Variants in PLPPR5 observed in about 807,000 individuals in gnomAD.
PLPPR5 encodes phospholipid phosphatase related 5.
In PLPPR5, 16 loss-of-function variants were observed where a neutral mutation model predicts 33.9. That is an observed-to-expected ratio of 0.47 (90% CI 0.32 to 0.72). PLPPR5 has a LOEUF of 0.72. Ranked by LOEUF, PLPPR5 falls within the 30% of genes least tolerant of loss-of-function variation. The pLI is 0.03. For synonymous variants in PLPPR5, 163 were observed against 150.3 expected, an observed-to-expected ratio of 1.08 and a Z score of -0.62; for missense variants, 301 against 406.7, an observed-to-expected ratio of 0.74 and a Z score of 2.23.
chr1:98,899,655 C>CTTTTTTTTTTTTTTTTTTTT lies in PLPPR5; in HGVS notation c.934-6552_934-6551insAAAAAAAAAAAAAAAAAAAA, dbSNP rs1214385487. Among the ~76,000 whole-genome samples, 5 of 138,568 alleles carry CTTTTTTTTTTTTTTTTTTTT rather than the reference C, an allele frequency of 3.6e-5. 1 individual carries two copies. The highest frequency in any genetic ancestry group is 6.2e-5 in the Non-Finnish European group (4 of 64,334). The allele number at this position is 138,568 out of a possible 152,430, so 90.9% of individuals were successfully genotyped here. ...CTTCAGAAAATACCTGTTTATTTCA[C>CTTTTTTTTTTTTTTTTTTTT]TTGTTTTTTTTTTTTTTTTTTGAGA... On this transcript the variant is annotated intron_variant, in intron 5 of 5. Transcript: ENST00000263177.
intron 1 of PLPPR5, among the ~76,000 whole-genome samples, chr1:98,994,483 TAA>T (rs1244999754): frequency 6.6e-6 from 1 of 152,156 alleles, no homozygotes. Context: ...CCACAATTAT[TAA>T]GTTACCCATT....
intron 1 of PLPPR5, among the ~76,000 whole-genome samples, chr1:98,980,934 A>G (rs1258847949): frequency 6.6e-6 from 1 of 152,066 alleles, no homozygotes; most frequent in Admixed American, 6.6e-5. Flanking sequence ...ATCAGGTAGC[A>G]TGTTTGTGAC....
rs529342810 is a variant in PLPPR5, at chr1:98,891,728, C to T, written c.*1344G>A. ...GTTTTATATTTGAAAAGTGTTCATT[C>T]TTAAAACATAAACATTTAAAATACA... On this transcript the variant is annotated 3_prime_UTR_variant, in exon 6 of 6. Transcript: ENST00000263177. 5.3e-5 allele frequency: 8 copies of T among 152,172 alleles called. No homozygotes were observed. The South Asian group carries it at 1.7e-3, about 32-fold the overall frequency. The allele number at this position is 152,172 out of a possible 1,614,324, so 9.4% of individuals were successfully genotyped here.
rs549419088 is a variant in PLPPR5, at chr1:98,941,461, T to C, written c.621+11609A>G. Reference sequence around the variant, plus strand: ...GGGCAAACCCCATGTAACCGGTTTATAAGGTGAGAAAGTGTAAAATAGTCT... The same window carrying C: ...GGGCAAACCCCATGTAACCGGTTTACAAGGTGAGAAAGTGTAAAATAGTCT... On this transcript the variant is annotated intron_variant, in intron 3 of 5. Coordinates refer to ENST00000263177, the MANE Select transcript of PLPPR5 (RefSeq NM_001037317.2). Among the ~76,000 whole-genome samples, 3 of 151,706 alleles carry C rather than the reference T, an allele frequency of 2.0e-5. No homozygotes were observed. The East Asian group carries it at 5.8e-4, about 29-fold the overall frequency.
chr1:99,001,705 T>TATATATATATA (rs1553173330), intron 1 of PLPPR5, among the ~76,000 whole-genome samples: 6 of 129,150 alleles, frequency 4.6e-5, no homozygotes, highest in Non-Finnish European at 8.4e-5. Context: ...TATATATATA[T>TATATATATATA]GAAGCTTTAT....
chr1:98,989,318 C>G (rs1206353479), intron 1 of PLPPR5, among the ~76,000 whole-genome samples: 1 of 152,024 alleles, frequency 6.6e-6, no homozygotes, highest in Non-Finnish European at 1.5e-5. Flanking sequence ...TAGTACTCTC[C>G]TTGGTATACT....
intron 5 of PLPPR5, among the ~76,000 whole-genome samples, chr1:98,897,656 G>C (rs1188980347): frequency 6.6e-6 from 1 of 152,106 alleles, no homozygotes; most frequent in Non-Finnish European, 1.5e-5. Flanking sequence ...AATGATTTAT[G>C]TCTCTGACTC....
chr1:98,919,573 G>A (rs907524917), intron 4 of PLPPR5, among the ~76,000 whole-genome samples: 13 of 152,006 alleles, frequency 8.6e-5, no homozygotes, highest in African/African-American at 2.7e-4. Flanking sequence ...CCTGTGCCTC[G>A]TCCACATCAC....
intron 5 of PLPPR5, among the ~76,000 whole-genome samples, chr1:98,913,739 C>G (rs1167795451): frequency 1.3e-5 from 2 of 152,142 alleles, no homozygotes; most frequent in African/African-American, 4.8e-5. Flanking sequence ...AAGATATTGA[C>G]CAAATGTGGA....
intron 1 of PLPPR5, among the ~76,000 whole-genome samples, chr1:98,996,349 A>C (rs1250187008): frequency 6.6e-6 from 1 of 152,106 alleles, no homozygotes; most frequent in Non-Finnish European, 1.5e-5. Context: ...ATAATAAATT[A>C]TCTACAGAGT....
chr1:98,925,433 A>G (rs1037933174), intron 3 of PLPPR5, among the ~76,000 whole-genome samples: 6 of 152,196 alleles, frequency 3.9e-5, no homozygotes, highest in Non-Finnish European at 8.8e-5. Context: ...GCCAAAGCTG[A>G]TCATTTGCTC....
At chr1:98,970,014 G>C (rs1394882410) in intron 1 of PLPPR5, among the ~76,000 whole-genome samples, 2 of 151,902 alleles carry the variant, frequency 1.3e-5, no homozygotes, top group African/African-American at 4.8e-5. Flanking sequence ...ATTCCCTTGA[G>C]GCCATCTTCT....
chr1:98,978,757 A>T (rs892874108), intron 1 of PLPPR5, among the ~76,000 whole-genome samples: 116 of 152,118 alleles, frequency 7.6e-4, no homozygotes, highest in African/African-American at 2.7e-3. Flanking sequence ...GTTCAAAAGC[A>T]TTAGCTTCTA....
intron 1 of PLPPR5, 47 bp downstream of exon 1, chr1:99,004,388 G>A: frequency 1.3e-6 from 2 of 1,498,710 alleles, no homozygotes; most frequent in East Asian, 2.4e-5. Context: ...GAAGGCGAGG[G>A]GCGAGATCAG....
At chr1:98,983,244 C>G (rs1389808319) in intron 1 of PLPPR5, among the ~76,000 whole-genome samples, 1 of 120,838 alleles carries the variant, frequency 8.3e-6, no homozygotes, top group Non-Finnish European at 1.7e-5. Flanking sequence ...CCCCTCCCCC[C>G]ACCCCACAAC....
intron 3 of PLPPR5, among the ~76,000 whole-genome samples, chr1:98,949,079 T>C (rs1396183540): frequency 6.6e-6 from 1 of 152,172 alleles, no homozygotes; most frequent in Admixed American, 6.5e-5. Flanking sequence ...TTCTCAACCT[T>C]GAAGTTCATT....
chr1:98,961,044 G>A (rs1651227155), intron 1 of PLPPR5, among the ~76,000 whole-genome samples: 1 of 152,058 alleles, frequency 6.6e-6, no homozygotes. Flanking sequence ...ACCCCAATGA[G>A]ACTACCTAAC....
intron 2 of PLPPR5, 22 bp from the exon 3 acceptor site, chr1:98,953,342 T>G: frequency 1.2e-6 from 2 of 1,601,062 alleles, no homozygotes; most frequent in Non-Finnish European, 1.7e-6. Context: ...AACAAATAAT[T>G]TTAACTTCTT....
At chr1:98,995,374 C>T (rs1652596852) in intron 1 of PLPPR5, among the ~76,000 whole-genome samples, 1 of 152,072 alleles carries the variant, frequency 6.6e-6, no homozygotes, top group South Asian at 2.1e-4. Flanking sequence ...TTCTTATTAC[C>T]TGGGTGATGA....
Sources: gnomAD v4.1 joint callset for allele counts (sites outside exome capture counted in the v4.1 genomes callset) on GRCh38, gnomAD v4.1.1 for gene constraint, MANE v1.5 for transcripts, NCBI Gene and HGNC (gene_info 2026-07-23, HGNC 2026-07-21) for gene names.